Variants in KNL1 observed in about 807,000 individuals in gnomAD.
KNL1 encodes kinetochore scaffold 1.
A neutral mutation model predicts 201.3 loss-of-function variants in KNL1; 66 were observed. That is an observed-to-expected ratio of 0.33 (90% CI 0.27 to 0.40). The LOEUF (loss-of-function observed/expected upper bound fraction) is 0.40, where lower values mean the gene tolerates loss of function less well. Among genes scored for constraint, KNL1 ranks in the 10% least tolerant of loss-of-function variants. The probability of loss-of-function intolerance (pLI) is 1.00; values close to 1 mark genes in which losing one functional copy is unlikely to be tolerated. For synonymous variants in KNL1, 895 were observed against 899.2 expected, an observed-to-expected ratio of 1.00 and a Z score of 0.08; for missense variants, 2,815 against 2,690.5, an observed-to-expected ratio of 1.05 and a Z score of -1.02.
At chr15:40,605,540 C>T (rs1433572697) in intron 3 of KNL1, among the ~76,000 whole-genome samples, 1 of 151,696 alleles carries the variant, frequency 6.6e-6, no homozygotes, top group Non-Finnish European at 1.5e-5. Flanking sequence ...TAACCTCCGC[C>T]TCCTGGGTTC....
At chr15:40,639,128 A>G (rs1479282833) in intron 13 of KNL1, among the ~76,000 whole-genome samples, 1 of 145,990 alleles carries the variant, frequency 6.8e-6, no homozygotes, top group African/African-American at 2.5e-5. Context: ...TATAGTTTTG[A>G]TTTTTATGTA....
chr15:40,605,237 T>G (rs932517382), intron 3 of KNL1, 88 bp downstream of exon 3: 2 of 732,438 alleles, frequency 2.7e-6, no homozygotes, highest in Non-Finnish European at 2.4e-6. Flanking sequence ...GGCTTCACCA[T>G]CCTACCCTTA....
intron 20 of KNL1, 59 bp from the exon 21 acceptor site, chr15:40,651,946 G>T: frequency 1.7e-6 from 2 of 1,189,064 alleles, no homozygotes; most frequent in Admixed American, 1.8e-5. Flanking sequence ...GGTATCAGAA[G>T]TTCTCTTTTA....
chr15:40,618,193 A>G (rs988301806), intron 8 of KNL1, among the ~76,000 whole-genome samples: 2 of 151,824 alleles, frequency 1.3e-5, no homozygotes, highest in African/African-American at 4.8e-5. Flanking sequence ...ATAAGTCTTG[A>G]GTCTAATCCT....
In KNL1 at chr15:40,657,065, CT is replaced by C; in HGVS notation, c.6512del (p.Leu2171Ter). On this transcript the variant is annotated frameshift_variant, in exon 23 of 26. Coordinates refer to ENST00000399668, the MANE Select transcript of KNL1 (RefSeq NM_144508.5). LOFTEE classifies it high-confidence loss of function. ...AGAGGATCAAGCTCCTCCTTCCTCCCTTTTAGTTCATAAGCTTATTTTCCAG... is the reference window on the plus strand; with the variant it reads ...AGAGGATCAAGCTCCTCCTTCCTCCCTTTAGTTCATAAGCTTATTTTCCAG... ...LDEDQAPPSS[L>X]LVHKLIFQYV... is the part of the protein sequence containing the mutation. 1 of 1,590,390 alleles carries C rather than the reference CT, an allele frequency of 6.3e-7. No individual in the cohort carries two copies. The highest frequency in any genetic ancestry group is 8.6e-7 in the Non-Finnish European group (1 of 1,167,912).
intron 5 of KNL1, among the ~76,000 whole-genome samples, chr15:40,609,828 C>T (rs1199001525): frequency 6.6e-6 from 1 of 152,040 alleles, no homozygotes; most frequent in African/African-American, 2.4e-5. Flanking sequence ...TAACAAATGG[C>T]TCAGAATCTT....
intron 16 of KNL1, among the ~76,000 whole-genome samples, chr15:40,646,402 A>G (rs1434373429): frequency 6.6e-6 from 1 of 151,978 alleles, no homozygotes; most frequent in Non-Finnish European, 1.5e-5. Flanking sequence ...TTATGTCAAT[A>G]TGCTTTTTAA....
chr15:40,652,123 G>A lies in KNL1; in HGVS notation c.6415+18G>A, dbSNP rs1460965157. On this transcript the variant is annotated intron_variant, in intron 21 of 25. Coordinates refer to ENST00000399668, the MANE Select transcript of KNL1 (RefSeq NM_144508.5). Reference sequence around the variant, plus strand: ...GTCAGTTGGTAAGGAGCCAAAGTGAGATAATTCTTTTACAGAAAAATGAAT... The same window carrying A: ...GTCAGTTGGTAAGGAGCCAAAGTGAAATAATTCTTTTACAGAAAAATGAAT... 2 of 1,536,836 alleles carry A rather than the reference G, an allele frequency of 1.3e-6. No homozygotes were observed. Among genetic ancestry groups the A allele is most frequent in the African/African-American group, 2.7e-5 (2 of 73,288 alleles).
Position 40,625,288 on chromosome 15 carries a change from C to T in KNL1, c.5024C>T (p.Pro1675Leu). The T allele has an allele frequency of 1.2e-6, 2 of 1,614,022 alleles. No homozygotes were observed. The highest frequency in any genetic ancestry group is 1.7e-6 in the Non-Finnish European group (2 of 1,179,980). The change falls in exon 10 of 26, where the codon CCA (proline) becomes CTA (leucine). Residue 1675 changes from proline (P) to leucine (L), a missense_variant. Coordinates refer to ENST00000399668, the MANE Select transcript of KNL1 (RefSeq NM_144508.5). ...GGTATTGATGACCTGGAACAGATTC[C>T]AGCAGACACAACTGATATAAATCAC... ...VTGIDDLEQI[P>L]ADTTDINHLE...
Position 40,621,208 on chromosome 15 carries a change from G to A in KNL1, c.944G>A (p.Gly315Asp), listed in dbSNP as rs1892512639. The change falls in exon 10 of 26, where the codon GGC becomes GAC. Residue 315 changes from glycine (G) to aspartate (D), a missense_variant. Physicochemically the swap from Gly to Asp is moderately conservative, Grantham distance 94 (BLOSUM62 -1). Transcript: ENST00000399668. ...ESKGNDITIY[G>D]NDFMDLTFNH... ...AAAGGTAATGATATTACAATTTATG[G>A]CAATGACTTTATGGACTTGACATTT... 5 of 1,611,802 alleles carry A rather than the reference G, an allele frequency of 3.1e-6. No homozygotes were observed. The highest frequency in any genetic ancestry group is 1.1e-5 in the South Asian group (1 of 90,912).
rs1211553156 is a variant in KNL1, at chr15:40,622,995, C to A, written c.2731C>A (p.Gln911Lys). The A allele has an allele frequency of 1.2e-6, 2 of 1,613,878 alleles. No homozygotes were observed. The highest frequency in any genetic ancestry group is 3.3e-5 in the Admixed American group (2 of 60,000). ...TGAAACTATTTTATATACATGTAGG[C>A]AGGATGACATGGAGATCACTAGAAG... ...TSETILYTCR[Q>K]DDMEITRSHT... Residue 911 changes from glutamine to lysine, a missense_variant, in exon 10 of 26, where the codon CAG (glutamine) becomes AAG (lysine). Physicochemically the swap from Gln to Lys is moderately conservative, Grantham distance 53. Transcript: ENST00000399668.
In KNL1 at chr15:40,620,882, C is replaced by G; in HGVS notation, c.618C>G (p.Asn206Lys). The stretch of plus-strand genomic sequence containing the variant: ...AAGTAAATTTTTCCGTGGATCAAAA[C>G]ACTTCTTCAGAAAATAAAATAGATT... ...KKEVNFSVDQ[N>K]TSSENKIDFN... The change falls in exon 10 of 26, where the codon AAC becomes AAG. Residue 206 changes from asparagine to lysine, a missense_variant. By Grantham distance (94) the Asn-to-Lys change is moderately conservative. Transcript: ENST00000399668. The G allele has an allele frequency of 1.9e-6, 3 of 1,598,168 alleles. No homozygotes were observed. Among genetic ancestry groups the G allele is most frequent in the Non-Finnish European group, 2.6e-6 (3 of 1,175,038 alleles).
At position 40,621,246 on chromosome 15, in the gene KNL1, C is replaced by T; in HGVS notation, c.982C>T (p.Gln328Ter). 6.2e-7 allele frequency: 1 copy of T among 1,613,590 alleles called. No homozygotes were observed. The highest frequency in any genetic ancestry group is 8.5e-7 in the Non-Finnish European group (1 of 1,179,770). ...FMDLTFNHTLQILPATGNFSE... is the reference protein window; with the variant it reads ...FMDLTFNHTL Reference sequence around the variant, plus strand: ...GGACTTGACATTTAACCACACTTTGCAGATCTTACCTGCAACAGGTAATTT... The same window carrying T: ...GGACTTGACATTTAACCACACTTTGTAGATCTTACCTGCAACAGGTAATTT... The change falls in exon 10 of 26, where the codon CAG becomes TAG. Residue 328 changes from glutamine to a stop codon, truncating the protein, a stop_gained. Coordinates refer to ENST00000399668, the MANE Select transcript of KNL1 (RefSeq NM_144508.5). LOFTEE classifies it high-confidence loss of function.
Position 40,603,039 on chromosome 15 carries a change from A to G in KNL1, c.35+73A>G, listed in dbSNP as rs1014776961. On this transcript the variant is annotated intron_variant, in intron 2 of 25. Coordinates refer to ENST00000399668, the MANE Select transcript of KNL1 (RefSeq NM_144508.5). Reference sequence around the variant, plus strand: ...GATATTTTTCTAATTAGTAAGACCTATCCATAACTTCTGAGATCTTTTTCC... The same window carrying G: ...GATATTTTTCTAATTAGTAAGACCTGTCCATAACTTCTGAGATCTTTTTCC... The G allele has an allele frequency of 1.5e-4, 140 of 941,556 alleles. 1 individual carries two copies. Among genetic ancestry groups the G allele is most frequent in the South Asian group, 1.4e-3 (95 of 67,580 alleles). The allele number at this position is 941,556 out of a possible 1,614,324, so 58.3% of individuals were successfully genotyped here.
chr15:40,597,021 A>AAG (rs1566996374), intron 1 of KNL1, among the ~76,000 whole-genome samples: 1 of 133,106 alleles, frequency 7.5e-6, no homozygotes, highest in Non-Finnish European at 1.7e-5. Context: ...AAAAAAAAAA[A>AAG]GGTACTTGCT....
intron 13 of KNL1, among the ~76,000 whole-genome samples, chr15:40,630,040 T>C (rs1390158364): frequency 6.6e-6 from 1 of 152,154 alleles, no homozygotes; most frequent in South Asian, 2.1e-4. Flanking sequence ...ATCAAAAATA[T>C]GTAAACTGGA....
intron 12 of KNL1, 61 bp from the exon 13 acceptor site, chr15:40,629,212 G>T (rs1273632946): frequency 1.1e-6 from 1 of 881,316 alleles, no homozygotes; most frequent in African/African-American, 1.8e-5. Flanking sequence ...AACAAATGAA[G>T]TGGTTATATC....
chr15:40,612,365 G>A (rs1445482197), intron 7 of KNL1, among the ~76,000 whole-genome samples: 3 of 151,566 alleles, frequency 2.0e-5, no homozygotes, highest in East Asian at 2.0e-4. Context: ...GTGGCACTGT[G>A]CCTGTAATCC....
chr15:40,638,250 AGG>A (rs796354031), intron 13 of KNL1, among the ~76,000 whole-genome samples: 1 of 36,546 alleles, frequency 2.7e-5, no homozygotes, highest in East Asian at 8.2e-4. Flanking sequence ...AGGGGAAGGG[AGG>A]GGGGAGGGGG....
Sources: allele counts gnomAD v4.1 joint callset (sites outside exome capture counted in the v4.1 genomes callset), GRCh38; gene constraint gnomAD v4.1.1; transcripts MANE v1.5; gene names NCBI Gene and HGNC (gene_info 2026-07-23, HGNC 2026-07-21).